Variants in VTI1A observed in about 807,000 individuals in gnomAD.
VTI1A encodes vesicle transport through interaction with t-SNAREs 1A, also known as vesicle transport through interaction with t-SNAREs homolog 1A.
In VTI1A, 22 loss-of-function variants were observed where a neutral mutation model predicts 34.9. That is an observed-to-expected ratio of 0.63 (90% CI 0.45 to 0.90). VTI1A has a LOEUF of 0.90. VTI1A is among the 40% of genes least tolerant of loss of function. The pLI, the probability that VTI1A is intolerant of heterozygous loss-of-function variation, is 0.00. For synonymous variants in VTI1A, 87 were observed against 97.3 expected, an observed-to-expected ratio of 0.89 and a Z score of 0.62; for missense variants, 268 against 275.6, an observed-to-expected ratio of 0.97 and a Z score of 0.20.
chr10:112,669,072 T>C, intron 7 of VTI1A, 74 bp downstream of exon 7: 1 of 1,538,980 alleles, frequency 6.5e-7, no homozygotes, highest in Non-Finnish European at 8.9e-7. Flanking sequence ...TCAATTGCAA[T>C]GGGGCATATT....
intron 7 of VTI1A, among the ~76,000 whole-genome samples, chr10:112,727,832 A>T (rs1219021926): frequency 6.6e-6 from 1 of 151,970 alleles, no homozygotes; most frequent in Non-Finnish European, 1.5e-5. Context: ...CCTTTATGTC[A>T]TCTCTTTCTG....
chr10:112,663,739 G>A (rs796657342), intron 5 of VTI1A, among the ~76,000 whole-genome samples: 3 of 152,268 alleles, frequency 2.0e-5, no homozygotes, highest in African/African-American at 7.2e-5. Flanking sequence ...GATCCCTCCT[G>A]AGAAAGCTGT....
intron 5 of VTI1A, among the ~76,000 whole-genome samples, chr10:112,626,131 G>C (rs1363513115): frequency 6.6e-6 from 1 of 152,076 alleles, no homozygotes; most frequent in Non-Finnish European, 1.5e-5. Context: ...TCTAGAATCA[G>C]TTTGAATCAA....
At chr10:112,753,969 G>T (rs1005669650) in intron 7 of VTI1A, among the ~76,000 whole-genome samples, 4 of 152,096 alleles carry the variant, frequency 2.6e-5, no homozygotes, top group African/African-American at 4.8e-5. Context: ...CACAGCACAG[G>T]TCAGGATTGT....
intron 5 of VTI1A, among the ~76,000 whole-genome samples, chr10:112,646,392 C>A (rs910764836): frequency 2.0e-5 from 3 of 152,066 alleles, no homozygotes; most frequent in African/African-American, 7.2e-5. Context: ...ATTATTATAT[C>A]CAAAGATATC....
chr10:112,682,867 G>T (rs1250538312), intron 7 of VTI1A, among the ~76,000 whole-genome samples: 1 of 152,248 alleles, frequency 6.6e-6, no homozygotes, highest in Non-Finnish European at 1.5e-5. Context: ...ATGGGCTTCA[G>T]TTGGAGCAAA....
At chr10:112,814,371 C>T (rs933242235) in intron 7 of VTI1A, among the ~76,000 whole-genome samples, 6 of 152,190 alleles carry the variant, frequency 3.9e-5, no homozygotes, top group African/African-American at 1.2e-4. Context: ...TCTCTATTTC[C>T]GTGCAGCTCT....
intron 7 of VTI1A, among the ~76,000 whole-genome samples, chr10:112,738,786 G>A (rs1850589143): frequency 6.6e-6 from 1 of 152,192 alleles, no homozygotes; most frequent in African/African-American, 2.4e-5. Flanking sequence ...TACAGCCCAA[G>A]AGTCAAGTTA....
Position 112,778,152 on chromosome 10 carries a change from C to G in VTI1A, c.561-37138C>G, listed in dbSNP as rs577224683. Among the ~76,000 whole-genome samples the G allele has an allele frequency of 4.6e-5, 7 of 152,058 alleles. No individual in the cohort carries two copies. In the East Asian group the frequency reaches 1.4e-3, roughly 29 times the overall value. The stretch of plus-strand genomic sequence containing the variant: ...TTGGTGATAGCAAGTTCCGTAATAG[C>G]CTTATGGAGCTCACATTACTCTAGA... On this transcript the variant is annotated intron_variant, in intron 7 of 7. Coordinates refer to ENST00000393077, the MANE Select transcript of VTI1A (RefSeq NM_145206.4).
intron 5 of VTI1A, among the ~76,000 whole-genome samples, chr10:112,568,176 G>A (rs1851978992): frequency 6.6e-6 from 1 of 151,730 alleles, no homozygotes; most frequent in African/African-American, 2.4e-5. Flanking sequence ...ATAAGTTTGT[G>A]GTCTCAGAAG....
At chr10:112,648,868 T>A (rs2133795941) in intron 5 of VTI1A, among the ~76,000 whole-genome samples, 1 of 152,286 alleles carries the variant, frequency 6.6e-6, no homozygotes, top group Admixed American at 6.5e-5. Context: ...GTGTAGTGGG[T>A]TTGAGTTTGT....
At position 112,610,934 on chromosome 10, in the gene VTI1A, G is replaced by A. The variant is rs190829202; in HGVS notation, c.428-57284G>A. ...ACTCCATCTCAAAAAAAAAAAAAAA[G>A]TATTACATTCCCTCTGAACTTTAGG... On this transcript the variant is annotated intron_variant, in intron 5 of 7. Coordinates refer to ENST00000393077, the MANE Select transcript of VTI1A (RefSeq NM_145206.4). 3.4e-3 allele frequency among the ~76,000 whole-genome samples: 514 copies of A among 151,174 alleles called. 26 individuals carry two copies. In the East Asian group the frequency reaches 0.087, roughly 26 times the overall value.
chr10:112,462,065 G>T (rs1847746169), intron 2 of VTI1A, among the ~76,000 whole-genome samples: 2 of 152,224 alleles, frequency 1.3e-5, no homozygotes, highest in Non-Finnish European at 2.9e-5. Flanking sequence ...AGTCAGGCTG[G>T]TCTTGAACTC....
intron 5 of VTI1A, among the ~76,000 whole-genome samples, chr10:112,602,834 A>C (rs1331484224): frequency 6.6e-6 from 1 of 152,180 alleles, no homozygotes; most frequent in African/African-American, 2.4e-5. Flanking sequence ...TTTTTTTATG[A>C]AAGCCTAAGC....
chr10:112,673,477 C>CAT (rs1356036802), intron 7 of VTI1A, among the ~76,000 whole-genome samples: 1 of 151,754 alleles, frequency 6.6e-6, no homozygotes, highest in African/African-American at 2.4e-5. Flanking sequence ...CGCACACACA[C>CAT]ACACACGCAC....
intron 3 of VTI1A, among the ~76,000 whole-genome samples, chr10:112,503,917 G>A (rs999750477): frequency 6.6e-6 from 1 of 152,124 alleles, no homozygotes; most frequent in African/African-American, 2.4e-5. Flanking sequence ...TGTTCTCCAT[G>A]GCACAGGTTT....
chr10:112,761,501 G>A (rs951796169), intron 7 of VTI1A, among the ~76,000 whole-genome samples: 1 of 152,004 alleles, frequency 6.6e-6, no homozygotes, highest in African/African-American at 2.4e-5. Flanking sequence ...ACAAATAAAG[G>A]CTTTCTTTCC....
intron 3 of VTI1A, among the ~76,000 whole-genome samples, chr10:112,499,701 C>T (rs901741311): frequency 2.0e-5 from 3 of 152,180 alleles, no homozygotes; most frequent in African/African-American, 2.4e-5. Context: ...TGCTGGTTAA[C>T]GCATATGTTG....
At chr10:112,637,587 A>C (rs1186167187) in intron 5 of VTI1A, among the ~76,000 whole-genome samples, 1 of 151,766 alleles carries the variant, frequency 6.6e-6, no homozygotes, top group African/African-American at 2.4e-5. Context: ...TGAACCCAGG[A>C]GGTGGAGGTT....
Sources: allele counts gnomAD v4.1 joint callset (sites outside exome capture counted in the v4.1 genomes callset), GRCh38; gene constraint gnomAD v4.1.1; transcripts MANE v1.5; gene names NCBI Gene and HGNC (gene_info 2026-07-23, HGNC 2026-07-21).